Variants in UNC5D observed in about 807,000 individuals in gnomAD.
UNC5D encodes netrin receptor UNC5D.
A neutral mutation model predicts 105.4 loss-of-function variants in UNC5D; 39 were observed. The ratio of observed to expected loss-of-function variants is 0.37; its 90% CI spans 0.29 to 0.48. UNC5D has a LOEUF of 0.48. UNC5D is among the 20% of genes least tolerant of loss of function. UNC5D has a pLI of 0.98. For missense variants in UNC5D, 991 were observed against 1,202.4 expected (o/e 0.82, Z 2.60); for synonymous variants, 452 against 450.4 (o/e 1.00, Z -0.04).
intron 1 of UNC5D, among the ~76,000 whole-genome samples, chr8:35,520,579 T>A (rs1813395641): frequency 6.6e-6 from 1 of 152,172 alleles, no homozygotes; most frequent in Non-Finnish European, 1.5e-5. Flanking sequence ...ATATCAGATG[T>A]TTTTATAAGA....
At chr8:35,715,988 T>C (rs1222635535) in intron 8 of UNC5D, among the ~76,000 whole-genome samples, 1 of 152,114 alleles carries the variant, frequency 6.6e-6, no homozygotes, top group Admixed American at 6.5e-5. Context: ...AATGTGAATA[T>C]AATAATTACT....
Position 35,710,934 on chromosome 8 carries a change from C to CTTTTTTTT in UNC5D, c.1117+4988_1117+4995dup, listed in dbSNP as rs775014566. ...GCCTCTTCAGTAGCTCAGCATTATT[C>CTTTTTTTT]TTTTTTTTTTTTTTTTTTTTTTGAG... On this transcript the variant is annotated intron_variant, in intron 8 of 16. Coordinates refer to ENST00000404895, the MANE Select transcript of UNC5D (RefSeq NM_080872.4). Among the ~76,000 whole-genome samples the CTTTTTTTT allele has an allele frequency of 5.0e-3, 575 of 114,318 alleles. 56 individuals carry two copies. Among genetic ancestry groups the CTTTTTTTT allele is most frequent in the African/African-American group, 0.021 (518 of 24,984 alleles). The allele number at this position is 114,318 out of a possible 152,430, so 75.0% of individuals were successfully genotyped here. A position where few individuals can be genotyped will look rare whatever the true frequency, so the allele number is the denominator to read the frequency against.
intron 1 of UNC5D, among the ~76,000 whole-genome samples, chr8:35,466,051 A>C (rs981868973): frequency 6.6e-6 from 1 of 152,178 alleles, no homozygotes; most frequent in African/African-American, 2.4e-5. Context: ...CCTGTATTAG[A>C]CTTTTAACCT....
At chr8:35,585,935 T>A (rs1818767128) in intron 3 of UNC5D, among the ~76,000 whole-genome samples, 1 of 151,812 alleles carries the variant, frequency 6.6e-6, no homozygotes, top group Non-Finnish European at 1.5e-5. Context: ...AAATGAAAGG[T>A]GGGAACAGCC....
At position 35,547,285 on chromosome 8, in the gene UNC5D, CTTTT is replaced by C. The variant is rs11363785; in HGVS notation, c.104-1990_104-1987del. On this transcript the variant is annotated intron_variant, in intron 1 of 16. Coordinates refer to ENST00000404895, the MANE Select transcript of UNC5D (RefSeq NM_080872.4). ...TGTAGTTCCTCAACAGAACATTACT[CTTTT>C]TTTTTTTTTTTTTTTTAATTGAGAC... 2.9e-3 allele frequency among the ~76,000 whole-genome samples: 366 copies of C among 128,004 alleles called. 1 individual carries two copies. Among genetic ancestry groups the C allele is most frequent in the South Asian group, 0.012 (47 of 3,988 alleles). 84.0% of individuals were successfully genotyped at this position (128,004 alleles called of 152,430 possible).
At chr8:35,677,756 T>C (rs1825347895) in intron 4 of UNC5D, among the ~76,000 whole-genome samples, 1 of 145,590 alleles carries the variant, frequency 6.9e-6, no homozygotes, top group Non-Finnish European at 1.5e-5. Context: ...CATAACACCA[T>C]AAACATCAAG....
intron 1 of UNC5D, among the ~76,000 whole-genome samples, chr8:35,531,176 G>A (rs1814339878): frequency 1.3e-5 from 1 of 76,740 alleles, no homozygotes; most frequent in South Asian, 6.3e-4. Context: ...TTCTCTTGTG[G>A]GCATTTAGTG....
In UNC5D at chr8:35,546,225, G is replaced by A. The variant is rs76899310; in HGVS notation, c.104-3067G>A. Among the ~76,000 whole-genome samples, 974 of 152,136 alleles carry A rather than the reference G, an allele frequency of 6.4e-3. 9 individuals carry two copies. The highest frequency in any genetic ancestry group is 0.023 in the African/African-American group (935 of 41,482). Reference sequence around the variant, plus strand: ...TGACTGATCCTTAAGGGGGATCCTCGGGTAGCTAGGACAGTTACCCTCAGG... The same window carrying A: ...TGACTGATCCTTAAGGGGGATCCTCAGGTAGCTAGGACAGTTACCCTCAGG... On this transcript the variant is annotated intron_variant, in intron 1 of 16. Coordinates refer to ENST00000404895, the MANE Select transcript of UNC5D (RefSeq NM_080872.4).
At chr8:35,593,147 G>T (rs974880763) in intron 3 of UNC5D, among the ~76,000 whole-genome samples, 1 of 150,026 alleles carries the variant, frequency 6.7e-6, no homozygotes, top group Non-Finnish European at 1.5e-5. Context: ...TACCTATTTT[G>T]CTGAGAGGCT....
intron 14 of UNC5D, among the ~76,000 whole-genome samples, chr8:35,763,132 A>C (rs1445193072): frequency 6.6e-6 from 1 of 152,192 alleles, no homozygotes; most frequent in Non-Finnish European, 1.5e-5. Flanking sequence ...TTCTAATTCT[A>C]TTATTTTTAA....
At position 35,631,034 on chromosome 8, in the gene UNC5D, C is replaced by T. The variant is rs567983657; in HGVS notation, c.570+35377C>T. ...GTCTTAAAAATCATTTGGCCTGGGC[C>T]GGGCACAGTGGCTCAAGCCTGTAAT... On this transcript the variant is annotated intron_variant, in intron 4 of 16. Coordinates refer to ENST00000404895, the MANE Select transcript of UNC5D (RefSeq NM_080872.4). Among the ~76,000 whole-genome samples the T allele has an allele frequency of 7.2e-5, 11 of 152,286 alleles. No homozygotes were observed. The South Asian group carries it at 1.5e-3, about 20-fold the overall frequency.
At chr8:35,762,103 T>A (rs55771007) in intron 14 of UNC5D, among the ~76,000 whole-genome samples, 16,308 of 152,140 alleles carry the variant, frequency 0.11, 2,533 homozygotes, top group African/African-American at 0.35. Context: ...GGGAGCTGAC[T>A]TATTACAATT....
Position 35,759,487 on chromosome 8 carries a change from T to G in UNC5D, c.2313+18T>G. 6.2e-7 allele frequency: 1 copy of G among 1,601,340 alleles called. No individual in the cohort carries two copies. The highest frequency in any genetic ancestry group is 1.7e-4 in the Middle Eastern group (1 of 5,988). On this transcript the variant is annotated intron_variant, in intron 14 of 16. Transcript: ENST00000404895. ...CCTGCCAGGTACTGGCCAAATGGGT[T>G]TCTAACAGAAACGGCTTTGCTTTAA...
intron 16 of UNC5D, among the ~76,000 whole-genome samples, chr8:35,777,771 C>A (rs1352299567): frequency 6.6e-6 from 1 of 152,100 alleles, no homozygotes; most frequent in Admixed American, 6.6e-5. Context: ...AGTTTGCTGA[C>A]CCCTGATTTA....
intron 1 of UNC5D, among the ~76,000 whole-genome samples, chr8:35,471,078 G>A (rs1328348566): frequency 6.6e-6 from 1 of 152,020 alleles, no homozygotes; most frequent in Non-Finnish European, 1.5e-5. Context: ...GTACCCCGGG[G>A]CCAGTTCCTC....
chr8:35,373,069 C>T (rs1802513087), intron 1 of UNC5D, among the ~76,000 whole-genome samples: 1 of 152,156 alleles, frequency 6.6e-6, no homozygotes, highest in Non-Finnish European at 1.5e-5. Flanking sequence ...TGCCCCATTC[C>T]CATGCATTGG....
chr8:35,600,413 T>C (rs1475350868), intron 4 of UNC5D, among the ~76,000 whole-genome samples: 2 of 152,196 alleles, frequency 1.3e-5, no homozygotes, highest in African/African-American at 4.8e-5. Context: ...GTTTACAGTC[T>C]CACCAACAGT....
chr8:35,783,790 C>T (rs1802615423), intron 16 of UNC5D, among the ~76,000 whole-genome samples: 3 of 152,050 alleles, frequency 2.0e-5, no homozygotes, highest in African/African-American at 7.2e-5. Context: ...ATAAAATTAG[C>T]CCTGTGTTGC....
intron 1 of UNC5D, among the ~76,000 whole-genome samples, chr8:35,246,706 C>G (rs1031235279): frequency 6.6e-6 from 1 of 152,104 alleles, no homozygotes; most frequent in Admixed American, 6.6e-5. Context: ...GCACTCGGCC[C>G]TCCAGTTTGT....
Sources: gnomAD v4.1 joint callset for allele counts (sites outside exome capture counted in the v4.1 genomes callset) on GRCh38, gnomAD v4.1.1 for gene constraint, MANE v1.5 for transcripts, NCBI Gene and HGNC (gene_info 2026-07-23, HGNC 2026-07-21) for gene names.